Variants in ZYG11A observed in about 807,000 individuals in gnomAD.
ZYG11A encodes protein zyg-11 homolog A.
A neutral mutation model predicts 77.2 loss-of-function variants in ZYG11A; 62 were observed. That is an observed-to-expected ratio of 0.80 (90% CI 0.65 to 0.99). The LOEUF is 0.99. ZYG11A is among the 50% of genes least tolerant of loss of function. The pLI, the probability that ZYG11A is intolerant of heterozygous loss-of-function variation, is 0.00. For missense variants in ZYG11A, 828 were observed against 896.8 expected (o/e 0.92, Z 0.98); for synonymous variants, 315 against 324.6 (o/e 0.97, Z 0.32).
At chr1:52,846,344 ATATATATATATATATATATATATT>A (rs1558155841) in intron 1 of ZYG11A, among the ~76,000 whole-genome samples, 5 of 100,288 alleles carry the variant, frequency 5.0e-5, no homozygotes, top group Admixed American at 1.0e-4. Flanking sequence ...ATATATATAT[ATATATATATATATATATATATATT>A]TTGAAACAGA....
chr1:52,882,246 T>G (rs1197876123), intron 11 of ZYG11A, among the ~76,000 whole-genome samples: 2 of 152,232 alleles, frequency 1.3e-5, no homozygotes, highest in Non-Finnish European at 2.9e-5. Flanking sequence ...CTTTATCGCT[T>G]TAGGAATCTA....
chr1:52,844,370 G>A (rs906948152), intron 1 of ZYG11A, among the ~76,000 whole-genome samples: 1 of 152,136 alleles, frequency 6.6e-6, no homozygotes, highest in African/African-American at 2.4e-5. Context: ...GGAAAACTTG[G>A]ATTTTTTACG....
At position 52,877,927 on chromosome 1, in the gene ZYG11A, C is replaced by G. The variant is rs774748752; in HGVS notation, c.1707C>G (p.Thr569=). 6.4e-7 allele frequency: 1 copy of G among 1,551,304 alleles called. No individual in the cohort carries two copies. Among genetic ancestry groups the G allele is most frequent in the African/African-American group, 1.4e-5 (1 of 72,982 alleles). The part of the protein sequence containing the change: ...GLQIFIQVLE[T]FSESAIQSKV... The stretch of plus-strand genomic sequence containing the variant: ...GTATGTATATATTTTTTTGACAGAC[C>G]TTTTCAGAGTCAGCAATACAAAGCA... The change falls in exon 10 of 14, where the codon ACC becomes ACG. Residue 569 remains threonine (T), a splice_region_variant and synonymous_variant. Coordinates refer to ENST00000371528, the MANE Select transcript of ZYG11A (RefSeq NM_001004339.3).
chr1:52,862,000 C>G (rs1409751246), intron 4 of ZYG11A, among the ~76,000 whole-genome samples: 1 of 151,784 alleles, frequency 6.6e-6, no homozygotes, highest in Non-Finnish European at 1.5e-5. Context: ...CACCTGAGGT[C>G]AGGAATTTGA....
At chr1:52,877,572 G>A (rs1414992375) in intron 8 of ZYG11A, 110 bp from the exon 9 acceptor site, 13 of 823,036 alleles carry the variant, frequency 1.6e-5, no homozygotes, top group Non-Finnish European at 2.2e-5. Flanking sequence ...CTAAGTGGCA[G>A]AACTTGGGTT....
intron 11 of ZYG11A, among the ~76,000 whole-genome samples, chr1:52,883,489 G>T (rs1008932151): frequency 1.3e-5 from 2 of 149,512 alleles, no homozygotes; most frequent in South Asian, 4.3e-4. Flanking sequence ...GTGCAGTGGT[G>T]TGATCTCAGC....
chr1:52,867,289 A>G lies in ZYG11A; in HGVS notation c.1392-250A>G, dbSNP rs1311024700. Reference sequence around the variant, plus strand: ...TATCATAGTAGAAACTGAATGATAAATACATTTTTTCTTAGATTTGCTCAT... The same window carrying G: ...TATCATAGTAGAAACTGAATGATAAGTACATTTTTTCTTAGATTTGCTCAT... On this transcript the variant is annotated intron_variant, in intron 6 of 13. Transcript: ENST00000371528. 2.0e-5 allele frequency among the ~76,000 whole-genome samples: 3 copies of G among 152,192 alleles called. No homozygotes were observed. In the East Asian group the frequency reaches 5.8e-4, roughly 29 times the overall value.
At chr1:52,873,230 G>A (rs78301041) in intron 8 of ZYG11A, among the ~76,000 whole-genome samples, 4,050 of 152,260 alleles carry the variant, frequency 0.027, 141 homozygotes, top group East Asian at 0.18. Context: ...GAAGATCACC[G>A]GAACCCAGGG....
chr1:52,878,362 G>A (rs1294609760), intron 10 of ZYG11A, among the ~76,000 whole-genome samples: 1 of 152,166 alleles, frequency 6.6e-6, no homozygotes, highest in East Asian at 1.9e-4. Flanking sequence ...CTGCTTACCA[G>A]CTGGCGGGCT....
At chr1:52,850,368 G>T (rs1645685194) in intron 1 of ZYG11A, among the ~76,000 whole-genome samples, 1 of 151,216 alleles carries the variant, frequency 6.6e-6, no homozygotes, top group African/African-American at 2.4e-5. Flanking sequence ...GCCCAGGTTG[G>T]CGTGCGGTGG....
intron 11 of ZYG11A, among the ~76,000 whole-genome samples, chr1:52,884,508 G>C (rs1253242224): frequency 8.9e-6 from 1 of 112,240 alleles, no homozygotes; most frequent in East Asian, 2.1e-4. Context: ...AAAAAAAAAA[G>C]CCGGGCGTGG....
At chr1:52,882,306 T>G (rs1052101354) in intron 11 of ZYG11A, among the ~76,000 whole-genome samples, 1 of 152,248 alleles carries the variant, frequency 6.6e-6, no homozygotes, top group Non-Finnish European at 1.5e-5. Flanking sequence ...TCTCACTGTT[T>G]CTATGCACAG....
intron 8 of ZYG11A, among the ~76,000 whole-genome samples, chr1:52,873,142 A>G (rs1473925865): frequency 6.6e-6 from 1 of 151,730 alleles, no homozygotes; most frequent in African/African-American, 2.4e-5. Flanking sequence ...CAACGTGGCG[A>G]AATCCTGTCT....
rs569474337 is a variant in ZYG11A at position 52,867,376 on chromosome 1, C to G, written c.1392-163C>G. On this transcript the variant is annotated intron_variant, in intron 6 of 13. Coordinates refer to ENST00000371528, the MANE Select transcript of ZYG11A (RefSeq NM_001004339.3). ...ATTTGCATACTCTCCTATCCCCTGC[C>G]TGGTCTTCTCTCTGCCAAATGCTCT... Among the ~76,000 whole-genome samples the G allele has an allele frequency of 2.6e-5, 4 of 152,324 alleles. 1 individual carries two copies. In the South Asian group the frequency reaches 8.3e-4, roughly 32 times the overall value.
At position 52,842,901 on chromosome 1, in the gene ZYG11A, C is replaced by T; in HGVS notation, c.18C>T (p.His6=). The T allele has an allele frequency of 6.5e-7, 1 of 1,531,106 alleles. No individual in the cohort carries two copies. Among genetic ancestry groups the T allele is most frequent in the South Asian group, 1.2e-5 (1 of 81,642 alleles). The allele number at this position is 1,531,106 out of a possible 1,614,324, so 94.8% of individuals were successfully genotyped here. A position where few individuals can be genotyped will look rare whatever the true frequency, so the allele number is the denominator to read the frequency against. MVHFL[H]PGHTPRNIVP... is the part of the protein sequence containing the mutation. ...GGGTTGCCATGGTTCATTTCTTGCA[C>T]CCGGGCCACACGCCCCGGAACATCG... The change falls in exon 1 of 14, where the codon CAC becomes CAT. Residue 6 remains histidine, a synonymous_variant. Coordinates refer to ENST00000371528, the MANE Select transcript of ZYG11A (RefSeq NM_001004339.3).
chr1:52,885,850 T>C lies in ZYG11A; in HGVS notation c.1962T>C (p.Asn654=), dbSNP rs183539585. The C allele has an allele frequency of 4.0e-3, 6,248 of 1,548,728 alleles. 32 individuals carry two copies. The highest frequency in any genetic ancestry group is 4.7e-3 in the Non-Finnish European group (5,329 of 1,145,654). ...TGGAGTAGCATGCAACCATACAGAATTGGCCAAGTTCAAGTTGTAAGATGA... is the reference window on the plus strand; with the variant it reads ...TGGAGTAGCATGCAACCATACAGAACTGGCCAAGTTCAAGTTGTAAGATGA... The part of the protein sequence containing the change: ...LLQDLHATIQ[N]WPSSSCKMTA... Residue 654 remains asparagine, a synonymous_variant, in exon 12 of 14, where the codon AAT becomes AAC. Coordinates refer to ENST00000371528, the MANE Select transcript of ZYG11A (RefSeq NM_001004339.3).
rs771402802 is a variant in ZYG11A, at chr1:52,842,916, C to G, written c.33C>G (p.Pro11=). 1.3e-6 allele frequency: 2 copies of G among 1,530,474 alleles called. No homozygotes were observed. The highest frequency in any genetic ancestry group is 2.5e-5 in the South Asian group (2 of 81,596). 94.8% of individuals were successfully genotyped at this position (1,530,474 alleles called of 1,614,324 possible). A position where few individuals can be genotyped will look rare whatever the true frequency, so the allele number is the denominator to read the frequency against. ...ATTTCTTGCACCCGGGCCACACGCCCCGGAACATCGTCCCTCCTGACGCTC... is the reference window on the plus strand; with the variant it reads ...ATTTCTTGCACCCGGGCCACACGCCGCGGAACATCGTCCCTCCTGACGCTC... MVHFLHPGHT[P]RNIVPPDAQK... is the part of the protein sequence containing the mutation. The change falls in exon 1 of 14, where the codon CCC becomes CCG. Residue 11 remains proline (P), a synonymous_variant. Coordinates refer to ENST00000371528, the MANE Select transcript of ZYG11A (RefSeq NM_001004339.3).
At chr1:52,870,633 C>A (rs528246921) in intron 8 of ZYG11A, among the ~76,000 whole-genome samples, 4 of 152,348 alleles carry the variant, frequency 2.6e-5, no homozygotes, top group Non-Finnish European at 4.4e-5. Context: ...CCGAGGCTGG[C>A]GGATCACTCG....
intron 1 of ZYG11A, among the ~76,000 whole-genome samples, chr1:52,845,582 C>G (rs980133521): frequency 2.0e-5 from 3 of 151,630 alleles, no homozygotes; most frequent in African/African-American, 7.3e-5. Context: ...TCTTGACCAC[C>G]CAAAGTGCTG....
Sources: gnomAD v4.1 joint callset for allele counts (sites outside exome capture counted in the v4.1 genomes callset) on GRCh38, gnomAD v4.1.1 for gene constraint, MANE v1.5 for transcripts, NCBI Gene and HGNC (gene_info 2026-07-23, HGNC 2026-07-21) for gene names.